TNFSF13B: variants seen among roughly 807,000 people sequenced by gnomAD.
The protein encoded by TNFSF13B is tumor necrosis factor ligand superfamily member 13B.
A neutral mutation model predicts 29.1 loss-of-function variants in TNFSF13B; 8 were observed. That is an observed-to-expected ratio of 0.27 (90% CI 0.16 to 0.50). TNFSF13B has a LOEUF of 0.50. Ranked by LOEUF, TNFSF13B falls within the 20% of genes least tolerant of loss-of-function variation. The pLI is 0.98. For synonymous variants in TNFSF13B, 125 were observed against 130.8 expected (o/e 0.96, Z 0.30); for missense variants, 248 against 334.9 (o/e 0.74, Z 2.03).
intron 3 of TNFSF13B, among the ~76,000 whole-genome samples, chr13:108,297,580 A>G (rs1360586774): frequency 6.9e-6 from 1 of 145,762 alleles, no homozygotes; most frequent in African/African-American, 2.6e-5. Context: ...CATAATGCCT[A>G]TGTTCATCTG....
chr13:108,297,792 ACTGATAAAC>A (rs2139065029), intron 3 of TNFSF13B, among the ~76,000 whole-genome samples: 1 of 145,928 alleles, frequency 6.9e-6, no homozygotes, highest in East Asian at 1.9e-4. Context: ...ATTTGTTACA[ACTGATAAAC>A]CTACACTAAT....
rs1281384563 is a variant in TNFSF13B at position 108,304,828 on chromosome 13, A to T, written c.745+1224A>T. Among the ~76,000 whole-genome samples, 4 of 152,304 alleles carry T rather than the reference A, an allele frequency of 2.6e-5. No individual in the cohort carries two copies. In the East Asian group the frequency reaches 7.7e-4, roughly 29 times the overall value. ...TTCTGGATCTGCAGCCACAGATAGC[A>T]TTGGTGGGGAGATGAGGAAGTTTAT... On this transcript the variant is annotated intron_variant, in intron 5 of 5. Transcript: ENST00000375887.
intron 2 of TNFSF13B, among the ~76,000 whole-genome samples, chr13:108,272,813 C>A (rs1417490597): frequency 6.6e-6 from 1 of 151,520 alleles, no homozygotes; most frequent in Non-Finnish European, 1.5e-5. Context: ...TGCTAATATC[C>A]CCGTTTCTAA....
intron 3 of TNFSF13B, among the ~76,000 whole-genome samples, chr13:108,291,489 A>G (rs184535494): frequency 1.3e-5 from 2 of 151,870 alleles, no homozygotes; most frequent in Non-Finnish European, 2.9e-5. Context: ...TTCAAATGCT[A>G]TGATAAATAG....
intron 2 of TNFSF13B, among the ~76,000 whole-genome samples, chr13:108,271,501 C>T (rs141892006): frequency 6.7e-6 from 1 of 149,258 alleles, no homozygotes; most frequent in Non-Finnish European, 1.5e-5. Context: ...CATGAGGTAC[C>T]CTGACTATAA....
In TNFSF13B at chr13:108,305,344, A is replaced by G. The variant is rs370198002; in HGVS notation, c.746-1482A>G. On this transcript the variant is annotated intron_variant, in intron 5 of 5. Transcript: ENST00000375887. ...ATACCAAAGAACCACTTATATACCT[A>G]AAGCTGAATCTTATTATTTATTGTA... 3.9e-5 allele frequency among the ~76,000 whole-genome samples: 6 copies of G among 152,236 alleles called. No individual in the cohort carries two copies. In the East Asian group the frequency reaches 9.7e-4, roughly 24 times the overall value.
intron 2 of TNFSF13B, among the ~76,000 whole-genome samples, chr13:108,271,077 T>G (rs773430573): frequency 2.0e-5 from 3 of 152,250 alleles, no homozygotes; most frequent in Non-Finnish European, 4.4e-5. Context: ...ATTTCTGACT[T>G]TCTTCATGTT....
At chr13:108,300,717 G>A (rs1024262728) in intron 3 of TNFSF13B, among the ~76,000 whole-genome samples, 3 of 152,120 alleles carry the variant, frequency 2.0e-5, no homozygotes, top group African/African-American at 7.2e-5. Context: ...TTCTTTTAAG[G>A]AAAATATTCC....
chr13:108,295,175 C>T (rs1199456982), intron 3 of TNFSF13B, among the ~76,000 whole-genome samples: 3 of 143,714 alleles, frequency 2.1e-5, no homozygotes, highest in Admixed American at 6.8e-5. Flanking sequence ...GTTATTGTTT[C>T]GTCTTTTTCT....
At chr13:108,283,649 G>A (rs891898731) in intron 2 of TNFSF13B, among the ~76,000 whole-genome samples, 1 of 152,208 alleles carries the variant, frequency 6.6e-6, no homozygotes, top group Admixed American at 6.5e-5. Context: ...ATTCAAGGCT[G>A]TTATAACAAA....
Position 108,269,931 on chromosome 13 carries a change from T to C in TNFSF13B, c.36T>C (p.Leu12=), listed in dbSNP as rs1880561659. ...DDSTEREQSR[L]TSCLKKREEM... is the part of the protein sequence containing the mutation. ...CCACAGAAAGGGAGCAGTCACGCCTTACTTCTTGCCTTAAGAAAAGAGAAG... is the reference window on the plus strand; with the variant it reads ...CCACAGAAAGGGAGCAGTCACGCCTCACTTCTTGCCTTAAGAAAAGAGAAG... Residue 12 remains leucine, a synonymous_variant, in exon 1 of 6, where the codon CTT becomes CTC. Coordinates refer to ENST00000375887, the MANE Select transcript of TNFSF13B (RefSeq NM_006573.5). 2 of 1,613,090 alleles carry C rather than the reference T, an allele frequency of 1.2e-6. No homozygotes were observed. The highest frequency in any genetic ancestry group is 3.3e-5 in the Admixed American group (2 of 59,960).
At chr13:108,280,884 T>A (rs1222478731) in intron 2 of TNFSF13B, among the ~76,000 whole-genome samples, 2 of 152,164 alleles carry the variant, frequency 1.3e-5, no homozygotes, top group African/African-American at 2.4e-5. Context: ...ACACGCAAGT[T>A]ACAGAAAATT....
intron 2 of TNFSF13B, among the ~76,000 whole-genome samples, chr13:108,282,681 T>G (rs994303817): frequency 2.0e-5 from 3 of 152,178 alleles, no homozygotes; most frequent in African/African-American, 7.2e-5. Flanking sequence ...TTATGTGAAG[T>G]TTATTATGAT....
intron 2 of TNFSF13B, among the ~76,000 whole-genome samples, chr13:108,270,725 A>G (rs113752830): frequency 6.6e-6 from 1 of 152,168 alleles, no homozygotes; most frequent in African/African-American, 2.4e-5. Flanking sequence ...GTGTTTCCTC[A>G]GGTAGATAAT....
In TNFSF13B at chr13:108,269,730, G is replaced by A. The variant is rs1880554440; in HGVS notation, c.-166G>A. 14 of 642,860 alleles carry A rather than the reference G, an allele frequency of 2.2e-5. No homozygotes were observed. The East Asian group carries it at 3.5e-4, about 16-fold the overall frequency. The allele number at this position is 642,860 out of a possible 1,614,324, so 39.8% of individuals were successfully genotyped here. A position where few individuals can be genotyped will look rare whatever the true frequency, so the allele number is the denominator to read the frequency against. On this transcript the variant is annotated 5_prime_UTR_variant, in exon 1 of 6. It removes an upstream start codon present in the reference 5' UTR. Coordinates refer to ENST00000375887, the MANE Select transcript of TNFSF13B (RefSeq NM_006573.5). ...CCTACTGTACAGTAGGGGTAGAGAT[G>A]CAGAAAGGCAGAAAGGAGAAAATTC... is the stretch of plus-strand genomic sequence containing the variant.
intron 2 of TNFSF13B, among the ~76,000 whole-genome samples, chr13:108,276,925 G>A (rs1594517170): frequency 6.6e-6 from 1 of 151,976 alleles, no homozygotes; most frequent in African/African-American, 2.4e-5. Context: ...GAACTGCATT[G>A]AGCAGCTGCA....
intron 3 of TNFSF13B, 30 bp from the exon 4 acceptor site, chr13:108,303,223 T>G (rs1253438712): frequency 6.6e-7 from 1 of 1,515,868 alleles, no homozygotes; most frequent in African/African-American, 1.4e-5. Flanking sequence ...TCTTGGTTTC[T>G]TTCCTTATAA....
chr13:108,306,946 A>G lies in TNFSF13B; in HGVS notation c.*8A>G, dbSNP rs772970048. The G allele has an allele frequency of 9.3e-6, 14 of 1,512,436 alleles. No homozygotes were observed. The highest frequency in any genetic ancestry group is 7.2e-5 in the African/African-American group (5 of 69,234). 93.7% of individuals were successfully genotyped at this position (1,512,436 alleles called of 1,614,324 possible). Reference sequence around the variant, plus strand: ...GCATTGAAACTGCTGTGACCTACTTACACCATGTCTGTAGCTATTTTCCTC... The same window carrying G: ...GCATTGAAACTGCTGTGACCTACTTGCACCATGTCTGTAGCTATTTTCCTC... On this transcript the variant is annotated 3_prime_UTR_variant, in exon 6 of 6. Coordinates refer to ENST00000375887, the MANE Select transcript of TNFSF13B (RefSeq NM_006573.5).
chr13:108,286,849 T>C lies in TNFSF13B; in HGVS notation c.471T>C (p.Thr157=). The change falls in exon 3 of 6, where the codon ACT becomes ACC. Residue 157 remains threonine, a synonymous_variant. Coordinates refer to ENST00000375887, the MANE Select transcript of TNFSF13B (RefSeq NM_006573.5). Reference sequence around the variant, plus strand: ...TGATTGCAGACAGTGAAACACCAACTATACAAAAAGGTAATAAAATATAGC... The same window carrying C: ...TGATTGCAGACAGTGAAACACCAACCATACAAAAAGGTAATAAAATATAGC... ...LQLIADSETP[T]IQKGSYTFVP... The C allele has an allele frequency of 6.4e-7, 1 of 1,567,376 alleles. No homozygotes were observed. The highest frequency in any genetic ancestry group is 8.7e-7 in the Non-Finnish European group (1 of 1,151,746).
Sources: gnomAD v4.1 joint callset for allele counts (sites outside exome capture counted in the v4.1 genomes callset) on GRCh38, gnomAD v4.1.1 for gene constraint, MANE v1.5 for transcripts, NCBI Gene and HGNC (gene_info 2026-07-23, HGNC 2026-07-21) for gene names.